SLC8A1: variants seen among roughly 807,000 people sequenced by gnomAD.
The protein encoded by SLC8A1 is solute carrier family 8 member A1.
Under a neutral mutation model 68.3 loss-of-function variants are expected in SLC8A1, and 18 were observed. That is an observed-to-expected ratio of 0.26 (90% confidence interval 0.18 to 0.39). SLC8A1 has a LOEUF of 0.39. SLC8A1 is among the 10% of genes least tolerant of loss of function. The pLI, the probability that SLC8A1 is intolerant of heterozygous loss-of-function variation, is 1.00. For synonymous variants in SLC8A1, 475 were observed against 415.5 expected (o/e 1.14, Z -1.74); for missense variants, 985 against 1,156.7 (o/e 0.85, Z 2.15).
intron 1 of SLC8A1, among the ~76,000 whole-genome samples, chr2:40,473,210 T>C (rs1469973033): frequency 3.3e-5 from 5 of 152,090 alleles, no homozygotes; most frequent in African/African-American, 1.2e-4. Flanking sequence ...GAACTGAAGA[T>C]ATTCCACCTG....
intron 2 of SLC8A1, among the ~76,000 whole-genome samples, chr2:40,247,214 T>C (rs547531805): frequency 4.7e-4 from 71 of 152,208 alleles, no homozygotes; most frequent in Non-Finnish European, 8.4e-4. Flanking sequence ...ATTAGCTTTC[T>C]GCAGCCTGGA....
chr2:40,494,505 T>C (rs1206376561), intron 1 of SLC8A1, among the ~76,000 whole-genome samples: 4 of 151,664 alleles, frequency 2.6e-5, no homozygotes, highest in Non-Finnish European at 1.5e-5. Context: ...TTATATTCCT[T>C]TGGGTATATA....
At chr2:40,295,660 G>C (rs960558803) in intron 2 of SLC8A1, among the ~76,000 whole-genome samples, 2 of 152,124 alleles carry the variant, frequency 1.3e-5, no homozygotes, top group Non-Finnish European at 2.9e-5. Context: ...TGAGGCACAA[G>C]AAACACCTGT....
chr2:40,284,456 T>C (rs1186211660), intron 2 of SLC8A1, among the ~76,000 whole-genome samples: 2 of 147,082 alleles, frequency 1.4e-5, no homozygotes, highest in African/African-American at 2.5e-5. Flanking sequence ...AATGTATATC[T>C]ATAGATATAT....
chr2:40,353,460 C>T (rs1016941720), intron 2 of SLC8A1, among the ~76,000 whole-genome samples: 12 of 151,994 alleles, frequency 7.9e-5, no homozygotes, highest in African/African-American at 2.7e-4. Context: ...ATGGCTCTGA[C>T]CCATTATTAA....
At chr2:40,123,543 C>A (rs1436827957) in intron 7 of SLC8A1, among the ~76,000 whole-genome samples, 1 of 151,730 alleles carries the variant, frequency 6.6e-6, no homozygotes, top group Non-Finnish European at 1.5e-5. Context: ...TTTTTTGATT[C>A]CTTAAATTCT....
chr2:40,184,898 CAAAA>C (rs66662572), intron 2 of SLC8A1, among the ~76,000 whole-genome samples: 13,149 of 106,716 alleles, frequency 0.12, 539 homozygotes, highest in Middle Eastern at 0.22. Context: ...TAACCAAAAA[CAAAA>C]AAAAAAAAAA....
In SLC8A1 at chr2:40,416,166, T is replaced by C. The variant is rs142282469; in HGVS notation, c.1808+12307A>G. Among the ~76,000 whole-genome samples, 780 of 152,082 alleles carry C rather than the reference T, an allele frequency of 5.1e-3. 3 individuals carry two copies. The highest frequency in any genetic ancestry group is 0.014 in the Middle Eastern group (4 of 294). The stretch of plus-strand genomic sequence containing the variant: ...CTTCTTAATTATGTATCTGCATAAT[T>C]ATTAATAGTGCCCTCTTTTACTCAC... On this transcript the variant is annotated intron_variant, in intron 2 of 7. Transcript: ENST00000406785.
chr2:40,294,537 CAT>C (rs1204943551), intron 2 of SLC8A1, among the ~76,000 whole-genome samples: 3 of 151,304 alleles, frequency 2.0e-5, no homozygotes, highest in Non-Finnish European at 4.4e-5. Context: ...AAGCAAGTTG[CAT>C]ATATATATAT....
At chr2:40,140,220 G>A (rs2041288162) in intron 6 of SLC8A1, among the ~76,000 whole-genome samples, 1 of 152,168 alleles carries the variant, frequency 6.6e-6, no homozygotes, top group African/African-American at 2.4e-5. Flanking sequence ...TCAAACTCAA[G>A]CCTTGGAATT....
intron 2 of SLC8A1, among the ~76,000 whole-genome samples, chr2:40,389,313 T>G (rs1019408201): frequency 3.3e-5 from 5 of 152,048 alleles, no homozygotes; most frequent in Admixed American, 1.3e-4. Flanking sequence ...GTGTCCTACA[T>G]ATTTAGTAGA....
chr2:40,385,251 C>T (rs930177311), intron 2 of SLC8A1, among the ~76,000 whole-genome samples: 4 of 151,942 alleles, frequency 2.6e-5, no homozygotes, highest in African/African-American at 9.7e-5. Flanking sequence ...GAGGAAACTC[C>T]TTTTTTCTAA....
At chr2:40,307,178 T>TACACAC (rs145712934) in intron 2 of SLC8A1, among the ~76,000 whole-genome samples, 1 of 108,888 alleles carries the variant, frequency 9.2e-6, no homozygotes, top group Non-Finnish European at 1.9e-5. Context: ...CACAAACACA[T>TACACAC]ACACACACAC....
chr2:40,370,574 A>G (rs1331785317), intron 2 of SLC8A1, among the ~76,000 whole-genome samples: 1 of 152,124 alleles, frequency 6.6e-6, no homozygotes, highest in South Asian at 2.1e-4. Flanking sequence ...TCTTATTCTT[A>G]TCAGAATGAC....
rs1326927642 is a variant in SLC8A1 at position 40,177,894 on chromosome 2, A to T, written c.1809-39T>A. 6.1e-6 allele frequency: 8 copies of T among 1,308,362 alleles called. No individual in the cohort carries two copies. In the East Asian group the frequency reaches 2.0e-4, roughly 33 times the overall value. The allele number at this position is 1,308,362 out of a possible 1,614,324, so 81.0% of individuals were successfully genotyped here. On this transcript the variant is annotated intron_variant, in intron 2 of 7. Transcript: ENST00000406785. ...AGACAAAGGCAAAACAAATGGTTGG[A>T]GTCACACGCTCATGCTCTTGGTGTC...
At chr2:40,482,560 A>C (rs1704697613) in intron 1 of SLC8A1, among the ~76,000 whole-genome samples, 1 of 151,872 alleles carries the variant, frequency 6.6e-6, no homozygotes, top group Non-Finnish European at 1.5e-5. Flanking sequence ...CCCTGTTATT[A>C]TTTCTATTTT....
intron 2 of SLC8A1, among the ~76,000 whole-genome samples, chr2:40,298,501 C>T (rs997293390): frequency 5.3e-5 from 8 of 152,212 alleles, no homozygotes; most frequent in South Asian, 2.1e-4. Flanking sequence ...GAGAATGAGG[C>T]ACACAGGGGA....
intron 1 of SLC8A1, among the ~76,000 whole-genome samples, chr2:40,445,982 G>C (rs1246885391): frequency 6.6e-6 from 1 of 152,144 alleles, no homozygotes. Context: ...TACCAGGATG[G>C]GATGCTATTC....
chr2:40,500,480 G>A (rs753229053), intron 1 of SLC8A1, among the ~76,000 whole-genome samples: 8 of 151,938 alleles, frequency 5.3e-5, no homozygotes, highest in East Asian at 1.9e-4. Flanking sequence ...AGTTTAACCC[G>A]TAGTTGCTAG....
Sources: gnomAD v4.1 joint callset for allele counts (sites outside exome capture counted in the v4.1 genomes callset) on GRCh38, gnomAD v4.1.1 for gene constraint, MANE v1.5 for transcripts, NCBI Gene and HGNC (gene_info 2026-07-23, HGNC 2026-07-21) for gene names.